The following LRP1B variants were observed in gnomAD, a reference collection of about 807,000 sequenced individuals.
The protein encoded by LRP1B is LDL receptor related protein 1B.
Under a neutral mutation model 556.6 loss-of-function variants are expected in LRP1B, and 217 were observed. The observed-to-expected ratio is 0.39, with a 90% CI of 0.35 to 0.44. LRP1B has a LOEUF of 0.44. LRP1B is among the 20% of genes least tolerant of loss of function. LRP1B has a pLI of 1.00. For synonymous variants in LRP1B, 2,047 were observed against 1,865.8 expected (o/e 1.10, Z -2.50); for missense variants, 5,053 against 5,620.8 (o/e 0.90, Z 3.23).
chr2:141,245,839 A>T (rs1288769687), intron 5 of LRP1B, among the ~76,000 whole-genome samples: 1 of 152,156 alleles, frequency 6.6e-6, no homozygotes, highest in Non-Finnish European at 1.5e-5. Context: ...TCATTTTAGT[A>T]ATTTTAATTA....
chr2:140,980,500 C>T (rs1483047600), intron 18 of LRP1B, among the ~76,000 whole-genome samples: 2 of 152,130 alleles, frequency 1.3e-5, no homozygotes, highest in African/African-American at 4.8e-5. Flanking sequence ...TTCTTCCATA[C>T]CACTGCTGTT....
chr2:141,360,267 G>A (rs1461526625), intron 3 of LRP1B, among the ~76,000 whole-genome samples: 1 of 152,174 alleles, frequency 6.6e-6, no homozygotes, highest in African/African-American at 2.4e-5. Context: ...AAATACCTAT[G>A]TCAATGGAAG....
intron 74 of LRP1B, among the ~76,000 whole-genome samples, chr2:140,357,361 G>A (rs1443745223): frequency 6.6e-6 from 1 of 151,248 alleles, no homozygotes; most frequent in East Asian, 2.0e-4. Flanking sequence ...AATGAGGAAA[G>A]TTTTAGATGC....
chr2:140,322,179 A>AAATAAG (rs1558799776), intron 81 of LRP1B, 91 bp from the exon 82 acceptor site: 14 of 1,228,424 alleles, frequency 1.1e-5, no homozygotes, highest in Non-Finnish European at 1.6e-5. Flanking sequence ...ATGATTAATT[A>AAATAAG]GCAATGTTGA....
At chr2:141,798,194 A>G (rs1695884883) in intron 2 of LRP1B, among the ~76,000 whole-genome samples, 1 of 152,152 alleles carries the variant, frequency 6.6e-6, no homozygotes, top group African/African-American at 2.4e-5. Context: ...TGTATGCGTG[A>G]TGTGAACATG....
chr2:141,863,430 C>A (rs1316214124), intron 1 of LRP1B, among the ~76,000 whole-genome samples: 1 of 152,058 alleles, frequency 6.6e-6, no homozygotes, highest in African/African-American at 2.4e-5. Flanking sequence ...AATTCTTTAC[C>A]TAGAGTAGTC....
intron 43 of LRP1B, among the ~76,000 whole-genome samples, chr2:140,583,509 T>C (rs929658040): frequency 3.3e-5 from 5 of 152,010 alleles, no homozygotes; most frequent in African/African-American, 9.7e-5. Context: ...AACTATTTAG[T>C]TTTTCTTCCC....
At chr2:142,043,133 A>C (rs1304559144) in intron 1 of LRP1B, among the ~76,000 whole-genome samples, 3 of 151,576 alleles carry the variant, frequency 2.0e-5, no homozygotes, top group Admixed American at 6.6e-5. Context: ...GATGCCCACT[A>C]TTCTGGGTTA....
intron 29 of LRP1B, among the ~76,000 whole-genome samples, chr2:140,843,179 T>G (rs977139001): frequency 2.7e-5 from 4 of 147,436 alleles, no homozygotes; most frequent in African/African-American, 1.0e-4. Context: ...TCTGATAGAC[T>G]CTTAATAATA....
intron 35 of LRP1B, among the ~76,000 whole-genome samples, chr2:140,760,895 A>G (rs1688898772): frequency 6.6e-6 from 1 of 152,124 alleles, no homozygotes; most frequent in Non-Finnish European, 1.5e-5. Context: ...TCTCAAAAAA[A>G]TAAAATAAAA....
intron 77 of LRP1B, among the ~76,000 whole-genome samples, chr2:140,344,094 C>T (rs1298698241): frequency 6.6e-6 from 1 of 151,696 alleles, no homozygotes; most frequent in Non-Finnish European, 1.5e-5. Context: ...ACAATTATAG[C>T]TTAAGCTTCT....
chr2:140,236,927 G>A (rs893272952), intron 89 of LRP1B, among the ~76,000 whole-genome samples: 3 of 150,430 alleles, frequency 2.0e-5, no homozygotes, highest in South Asian at 2.1e-4. Context: ...ATGAGATACT[G>A]TGTTTTGTTA....
At chr2:140,881,572 A>C in intron 25 of LRP1B, among the ~76,000 whole-genome samples, 1 of 128,064 alleles carries the variant, frequency 7.8e-6, no homozygotes, top group South Asian at 2.3e-4. Context: ...AGTTTAATGA[A>C]TTAGTAGTTA....
chr2:141,132,183 A>G (rs7558715), intron 7 of LRP1B, among the ~76,000 whole-genome samples: 86,150 of 151,782 alleles, frequency 0.57, 24,670 homozygotes, highest in Non-Finnish European at 0.61. Flanking sequence ...AAAACTCATG[A>G]TGAAATTTAA....
chr2:140,873,653 T>G (rs1693209890), intron 25 of LRP1B, among the ~76,000 whole-genome samples: 1 of 151,960 alleles, frequency 6.6e-6, no homozygotes, highest in Non-Finnish European at 1.5e-5. Flanking sequence ...TGCAGGTAAA[T>G]GATTAAAATA....
intron 15 of LRP1B, among the ~76,000 whole-genome samples, chr2:140,994,962 T>C (rs1475286524): frequency 1.3e-5 from 2 of 152,108 alleles, no homozygotes; most frequent in East Asian, 3.9e-4. Context: ...AAAGTTGACA[T>C]GTAAATTGGG....
At chr2:142,007,511 G>A (rs377101098) in intron 1 of LRP1B, among the ~76,000 whole-genome samples, 2 of 152,102 alleles carry the variant, frequency 1.3e-5, no homozygotes, top group African/African-American at 4.8e-5. Context: ...TACAGAATAC[G>A]AATGGGTTCT....
At chr2:140,460,988 G>A (rs562055375) in intron 60 of LRP1B, among the ~76,000 whole-genome samples, 4 of 151,308 alleles carry the variant, frequency 2.6e-5, no homozygotes, top group East Asian at 3.9e-4. Flanking sequence ...GCTTGAACCC[G>A]GGAGGTGGAG....
At chr2:141,048,841 A>C (rs2140871) in intron 11 of LRP1B, 145 bp downstream of exon 11, 611,017 of 653,230 alleles carry the variant, frequency 0.94, 286,486 homozygotes, top group Non-Finnish European at 0.96. Flanking sequence ...AACAATGTTA[A>C]TGAAGAAATA....
Sources: allele counts gnomAD v4.1 joint callset (sites outside exome capture counted in the v4.1 genomes callset), GRCh38; gene constraint gnomAD v4.1.1; transcripts MANE v1.5; gene names NCBI Gene and HGNC (gene_info 2026-07-23, HGNC 2026-07-21).